PCBP3: variants seen among roughly 807,000 people sequenced by gnomAD.
PCBP3 encodes poly(rC)-binding protein 3.
Under a neutral mutation model 52.7 loss-of-function variants are expected in PCBP3, and 25 were observed. The observed-to-expected ratio is 0.47, with a 90% CI of 0.35 to 0.66. The LOEUF is 0.66. PCBP3 is among the 30% of genes least tolerant of loss of function. PCBP3 has a pLI of 0.01. For synonymous variants in PCBP3, 162 were observed against 183.0 expected, an observed-to-expected ratio of 0.89 and a Z score of 0.93; for missense variants, 391 against 490.3, an observed-to-expected ratio of 0.80 and a Z score of 1.91.
intron 2 of PCBP3, among the ~76,000 whole-genome samples, chr21:45,676,945 G>C (rs1322754673): frequency 2.0e-5 from 3 of 151,834 alleles, no homozygotes; most frequent in Admixed American, 2.0e-4. Flanking sequence ...CTAATTTTTT[G>C]TATTTTTAGT....
chr21:45,802,910 T>C lies in PCBP3; in HGVS notation c.-125-47051T>C, dbSNP rs931156974. 5.9e-5 allele frequency among the ~76,000 whole-genome samples: 9 copies of C among 152,244 alleles called. No individual in the cohort carries two copies. The highest frequency in any genetic ancestry group is 2.0e-4 in the Admixed American group (3 of 15,292). On this transcript the variant is annotated intron_variant, in intron 4 of 17. Coordinates refer to ENST00000681687, the MANE Select transcript of PCBP3 (RefSeq NM_001384156.1). This position sits in a 1 kb window ranked among gnomAD's most constrained non-coding sequence, Gnocchi z 5.1. Reference sequence around the variant, plus strand: ...TCACTAGGTCTTGGTGCATTTTTCATTGATACTCATATATTTACTGTTGAA... The same window carrying C: ...TCACTAGGTCTTGGTGCATTTTTCACTGATACTCATATATTTACTGTTGAA...
intron 4 of PCBP3, among the ~76,000 whole-genome samples, chr21:45,772,250 T>C (rs2089930009): frequency 6.6e-6 from 1 of 152,174 alleles, no homozygotes; most frequent in Admixed American, 6.5e-5. Flanking sequence ...AGTATTTATC[T>C]TTCCATTGTG....
rs1342490489 is a variant in PCBP3 at position 45,921,195 on chromosome 21, G to GGTATTTAGTAGAAATTTTTAAAGCATCA, written c.717+3590_717+3591insATCAGTATTTAGTAGAAATTTTTAAAGC. On this transcript the variant is annotated intron_variant, in intron 13 of 17. Coordinates refer to ENST00000681687, the MANE Select transcript of PCBP3 (RefSeq NM_001384156.1). ...ATTTAGTAGAAATTTTTAAAGCATC[G>GGTATTTAGTAGAAATTTTTAAAGCATCA]GTATTTAGTAGAAATTTTTAAAGCT... is the stretch of plus-strand genomic sequence containing the variant. 3.9e-5 allele frequency among the ~76,000 whole-genome samples: 6 copies of GGTATTTAGTAGAAATTTTTAAAGCATCA among 151,994 alleles called. 1 individual carries two copies. The highest frequency in any genetic ancestry group is 7.4e-5 in the Non-Finnish European group (5 of 67,998).
chr21:45,681,787 C>G (rs1465828459), intron 2 of PCBP3, among the ~76,000 whole-genome samples: 1 of 151,890 alleles, frequency 6.6e-6, no homozygotes, highest in Non-Finnish European at 1.5e-5. Flanking sequence ...GAAATTTTTC[C>G]TCTTCTTTTG....
intron 1 of PCBP3, among the ~76,000 whole-genome samples, chr21:45,667,547 A>G (rs527652281): frequency 6.6e-6 from 1 of 151,912 alleles, no homozygotes; most frequent in African/African-American, 2.4e-5. Context: ...TTGTTTCTTT[A>G]TTGATATCTG....
chr21:45,928,052 C>T lies in PCBP3; in HGVS notation c.718-1865C>T, dbSNP rs1004509728. Among the ~76,000 whole-genome samples, 34 of 152,226 alleles carry T rather than the reference C, an allele frequency of 2.2e-4. No individual in the cohort carries two copies. Among genetic ancestry groups the T allele is most frequent in the African/African-American group, 5.8e-4 (24 of 41,466 alleles). On this transcript the variant is annotated intron_variant, in intron 13 of 17. Coordinates refer to ENST00000681687, the MANE Select transcript of PCBP3 (RefSeq NM_001384156.1). The surrounding 1 kb of genome is among the most constrained non-coding windows in gnomAD (Gnocchi z 4.1). ...CGATCTTGCCTGCAGCTCTCCTACC[C>T]GGCCTGGGACACTTGCGGTCTTTCC...
chr21:45,823,088 A>T (rs1161055361), intron 4 of PCBP3, among the ~76,000 whole-genome samples: 1 of 152,216 alleles, frequency 6.6e-6, no homozygotes, highest in African/African-American at 2.4e-5. Flanking sequence ...TTCAACTCTT[A>T]CTTTTAAAAT....
At chr21:45,924,105 A>G (rs1463080040) in intron 13 of PCBP3, among the ~76,000 whole-genome samples, 38 of 114,252 alleles carry the variant, frequency 3.3e-4, no homozygotes, top group African/African-American at 1.5e-3. Flanking sequence ...GAACACCGGG[A>G]ACAGTCGAGT....
Position 45,935,327 on chromosome 21 carries a change from G to A in PCBP3, c.909+22G>A, listed in dbSNP as rs373900000. The A allele has an allele frequency of 2.8e-5, 45 of 1,588,164 alleles. No homozygotes were observed. In the African/African-American group the frequency reaches 5.4e-4, roughly 19 times the overall value. ...TGATGTGAGTATGCCCGCTGTACCT[G>A]CCTGTCCCTGGGTAGAAACACCAGG... On this transcript the variant is annotated intron_variant, in intron 16 of 17. Transcript: ENST00000681687.
chr21:45,741,016 G>T lies in PCBP3; in HGVS notation c.-162+5587G>T, dbSNP rs1312040040. 6.6e-6 allele frequency among the ~76,000 whole-genome samples: 1 copy of T among 152,200 alleles called. No homozygotes were observed. Among genetic ancestry groups the T allele is most frequent in the African/African-American group, 2.4e-5 (1 of 41,428 alleles). On this transcript the variant is annotated intron_variant, in intron 3 of 17. Transcript: ENST00000681687. This position sits in a 1 kb window ranked among gnomAD's most constrained non-coding sequence, Gnocchi z 4.5. ...AGGTGACTTGGGAGCCTGCCCTGCGGTGGGGGACTGTCCTAAACGGAAAGC... is the reference window on the plus strand; with the variant it reads ...AGGTGACTTGGGAGCCTGCCCTGCGTTGGGGGACTGTCCTAAACGGAAAGC...
intron 12 of PCBP3, 185 bp downstream of exon 12, chr21:45,914,210 C>A: frequency 1.1e-6 from 1 of 932,728 alleles, no homozygotes; most frequent in Non-Finnish European, 1.6e-6. Context: ...TTCAGAGCGG[C>A]ATTCCCCCAC....
intron 4 of PCBP3, among the ~76,000 whole-genome samples, chr21:45,810,218 C>G (rs898369115): frequency 1.0e-4 from 15 of 148,172 alleles, no homozygotes; most frequent in South Asian, 2.2e-4. Flanking sequence ...TGATTCGATT[C>G]TGTGTGTGTG....
At position 45,837,074 on chromosome 21, in the gene PCBP3, T is replaced by C. The variant is rs1300528429; in HGVS notation, c.-125-12887T>C. The stretch of plus-strand genomic sequence containing the variant: ...TGGAATTGCTGCATCATAAAGTCTG[T>C]GAAAGGTGAACTTTCAGGAACTTTC... On this transcript the variant is annotated intron_variant, in intron 4 of 17. Transcript: ENST00000681687. This position sits in a 1 kb window ranked among gnomAD's most constrained non-coding sequence, Gnocchi z 4.1. 1.3e-5 allele frequency among the ~76,000 whole-genome samples: 2 copies of C among 152,236 alleles called. No individual in the cohort carries two copies. Among genetic ancestry groups the C allele is most frequent in the Admixed American group, 6.5e-5 (1 of 15,288 alleles).
chr21:45,683,811 A>G (rs1169686564), intron 2 of PCBP3, among the ~76,000 whole-genome samples: 1 of 152,020 alleles, frequency 6.6e-6, no homozygotes, highest in Non-Finnish European at 1.5e-5. Context: ...CTGTAGTTCC[A>G]GCTACTCGGG....
intron 4 of PCBP3, among the ~76,000 whole-genome samples, chr21:45,845,604 T>C (rs1465289703): frequency 2.0e-5 from 3 of 151,896 alleles, no homozygotes; most frequent in East Asian, 3.9e-4. Flanking sequence ...CTTTGCCGTG[T>C]GTATGCATGT....
chr21:45,918,296 A>G (rs2073840918), intron 13 of PCBP3: 1 of 107,654 alleles, frequency 9.3e-6, no homozygotes, highest in Non-Finnish European at 2.5e-5. Flanking sequence ...GTGTAATTCC[A>G]GTGCTGGAGG....
Position 45,914,025 on chromosome 21 carries a change from G to A in PCBP3, c.675G>A (p.Gln225=). The A allele has an allele frequency of 6.2e-7, 1 of 1,613,686 alleles. No homozygotes were observed. Among genetic ancestry groups the A allele is most frequent in the Non-Finnish European group, 8.5e-7 (1 of 1,179,960 alleles). The change falls in exon 12 of 18, where the codon CAG becomes CAA. Residue 225 remains glutamine, a splice_region_variant and synonymous_variant. Transcript: ENST00000681687. ...ASTPVIFAGG[Q]AYTIQGQYAI... ...CCCCTGTCATTTTTGCAGGTGGTCA[G>A]GTAAGAGCCGATCCGCTCGCGGCCT...
intron 2 of PCBP3, among the ~76,000 whole-genome samples, chr21:45,675,404 TC>T (rs1401140398): frequency 6.6e-6 from 1 of 152,222 alleles, no homozygotes; most frequent in East Asian, 1.9e-4. Context: ...GCCCAAATGC[TC>T]TTATTTGTGG....
At position 45,904,712 on chromosome 21, in the gene PCBP3, C is replaced by T. The variant is rs552665588; in HGVS notation, c.339+3599C>T. 2.4e-4 allele frequency among the ~76,000 whole-genome samples: 36 copies of T among 152,310 alleles called. 1 individual carries two copies. The highest frequency in any genetic ancestry group is 6.2e-4 in the South Asian group (3 of 4,828). On this transcript the variant is annotated intron_variant, in intron 9 of 17. Transcript: ENST00000681687. The surrounding 1 kb of genome is among the most constrained non-coding windows in gnomAD (Gnocchi z 4.8). ...CATCCTGAAAACACACACATAACAG[C>T]GAAAGTATTTCCAGTCCCAAGTGAA...
Sources: allele counts gnomAD v4.1 joint callset (sites outside exome capture counted in the v4.1 genomes callset), GRCh38; gene constraint gnomAD v4.1.1; non-coding constraint Gnocchi (gnomAD v3.1); transcripts MANE v1.5; gene names NCBI Gene and HGNC (gene_info 2026-07-23, HGNC 2026-07-21).